Variants in GUCY1A2 observed in about 807,000 individuals in gnomAD.
The protein encoded by GUCY1A2 is guanylate cyclase soluble subunit alpha-2.
GUCY1A2 carries 27 observed loss-of-function variants against 63.5 expected under a neutral mutation model. The observed-to-expected ratio is 0.43, with a 90% CI of 0.31 to 0.59. The LOEUF (loss-of-function observed/expected upper bound fraction) is 0.59. Ranked by LOEUF, GUCY1A2 falls within the 20% of genes least tolerant of loss-of-function variation. GUCY1A2 has a pLI of 0.11. For synonymous variants in GUCY1A2, 364 were observed against 343.5 expected (o/e 1.06, Z -0.66); for missense variants, 768 against 913.3 (o/e 0.84, Z 2.05).
At chr11:106,933,638 G>C (rs924485132) in intron 4 of GUCY1A2, among the ~76,000 whole-genome samples, 1 of 152,116 alleles carries the variant, frequency 6.6e-6, no homozygotes, top group Admixed American at 6.6e-5. Context: ...AAAAGACACT[G>C]CACTCATATG....
chr11:106,907,552 C>T (rs1056181119), intron 4 of GUCY1A2, among the ~76,000 whole-genome samples: 2 of 151,568 alleles, frequency 1.3e-5, no homozygotes, highest in African/African-American at 4.8e-5. Context: ...CTATCCCTCC[C>T]GCCTCCCGCC....
At chr11:106,878,358 T>C (rs149435072) in intron 4 of GUCY1A2, among the ~76,000 whole-genome samples, 1 of 151,920 alleles carries the variant, frequency 6.6e-6, no homozygotes, top group South Asian at 2.1e-4. Context: ...CTATTCATAG[T>C]AGCAAATAGA....
chr11:106,734,276 C>G (rs1863552334), intron 6 of GUCY1A2, among the ~76,000 whole-genome samples: 1 of 152,064 alleles, frequency 6.6e-6, no homozygotes, highest in South Asian at 2.1e-4. Context: ...CTTCTCTCTA[C>G]TTGAGAGAGA....
At chr11:107,012,178 C>G (rs890073649) in intron 1 of GUCY1A2, among the ~76,000 whole-genome samples, 8 of 151,412 alleles carry the variant, frequency 5.3e-5, no homozygotes, top group Non-Finnish European at 1.0e-4. Flanking sequence ...GAGTCATACC[C>G]AGGGGCCAAA....
At position 106,677,882 on chromosome 11, in the gene GUCY1A2, G is replaced by A. The variant is rs72987317; in HGVS notation, c.*9667C>T. The A allele has an allele frequency of 0.014, 2,899 of 202,642 alleles. 52 individuals are homozygous for A. The highest frequency in any genetic ancestry group is 0.018 in the Non-Finnish European group (1,815 of 98,424). The allele number at this position is 202,642 out of a possible 1,614,324, so 12.6% of individuals were successfully genotyped here. A position where few individuals can be genotyped will look rare whatever the true frequency, so the allele number is the denominator to read the frequency against. On this transcript the variant is annotated 3_prime_UTR_variant, in exon 8 of 8. Transcript: ENST00000526355. The stretch of plus-strand genomic sequence containing the variant: ...TTCATAAAATGGGACTCCTCCTATA[G>A]CCAGGTAATCATTTGGATTTTAGCA...
chr11:106,814,735 A>T (rs989017), intron 4 of GUCY1A2, among the ~76,000 whole-genome samples: 2 of 151,922 alleles, frequency 1.3e-5, no homozygotes, highest in Admixed American at 6.6e-5. Context: ...AAAATTACAC[A>T]GTCATTGCAA....
At chr11:106,999,321 A>T (rs908481710) in intron 1 of GUCY1A2, among the ~76,000 whole-genome samples, 2 of 152,202 alleles carry the variant, frequency 1.3e-5, no homozygotes, top group African/African-American at 4.8e-5. Flanking sequence ...CGTAACCTTA[A>T]TCCATAATAT....
intron 4 of GUCY1A2, among the ~76,000 whole-genome samples, chr11:106,916,071 G>T (rs984493566): frequency 2.1e-5 from 3 of 145,596 alleles, no homozygotes; most frequent in African/African-American, 7.3e-5. Flanking sequence ...ACTAATTTGT[G>T]ACTCTGATTA....
chr11:106,827,006 G>A, intron 4 of GUCY1A2: 1 of 1,609,300 alleles, frequency 6.2e-7, no homozygotes, highest in Non-Finnish European at 8.5e-7. Context: ...ACATAGACAG[G>A]CCACATCTCT....
chr11:106,843,421 T>C (rs1409999106), intron 4 of GUCY1A2, among the ~76,000 whole-genome samples: 2 of 151,406 alleles, frequency 1.3e-5, no homozygotes, highest in African/African-American at 2.4e-5. Context: ...TAAAAAAAAT[T>C]AAAAAGTAGA....
intron 4 of GUCY1A2, among the ~76,000 whole-genome samples, chr11:106,812,074 A>G (rs1232278818): frequency 6.6e-6 from 1 of 152,024 alleles, no homozygotes; most frequent in Non-Finnish European, 1.5e-5. Context: ...TCTTTAGGGT[A>G]GGAGTGTTGC....
intron 5 of GUCY1A2, among the ~76,000 whole-genome samples, chr11:106,792,781 A>T (rs1361906710): frequency 6.6e-6 from 1 of 152,174 alleles, no homozygotes; most frequent in Non-Finnish European, 1.5e-5. Context: ...GATCCCACTT[A>T]AAGTAGCAAC....
chr11:106,946,733 C>T (rs926824930), intron 3 of GUCY1A2, among the ~76,000 whole-genome samples: 1 of 152,072 alleles, frequency 6.6e-6, no homozygotes, highest in South Asian at 2.1e-4. Context: ...GAATTAATTA[C>T]TAATGAGTAT....
At chr11:106,792,104 A>T (rs10749878) in intron 5 of GUCY1A2, among the ~76,000 whole-genome samples, 146,084 of 152,316 alleles carry the variant, frequency 0.96, 70,119 homozygotes, top group East Asian at 1. Flanking sequence ...TTACCCACTA[A>T]CAGCCGGGCG....
intron 6 of GUCY1A2, among the ~76,000 whole-genome samples, chr11:106,738,808 T>C (rs1591255991): frequency 6.6e-6 from 1 of 152,318 alleles, no homozygotes. Context: ...TGTAGTATTG[T>C]TTGAAGTCAG....
intron 3 of GUCY1A2, among the ~76,000 whole-genome samples, chr11:106,972,591 C>CA (rs2120099967): frequency 6.6e-6 from 1 of 151,744 alleles, no homozygotes; most frequent in East Asian, 1.9e-4. Flanking sequence ...GTTCTTCCAG[C>CA]AAAAAAGAAA....
At chr11:106,880,046 GAGAATGCTCC>G (rs1241120224) in intron 4 of GUCY1A2, among the ~76,000 whole-genome samples, 1 of 151,982 alleles carries the variant, frequency 6.6e-6, no homozygotes, top group Non-Finnish European at 1.5e-5. Context: ...AGCATACCCT[GAGAATGCTCC>G]TGTATGGCCA....
At chr11:106,911,459 A>G (rs1860292850) in intron 4 of GUCY1A2, among the ~76,000 whole-genome samples, 1 of 152,130 alleles carries the variant, frequency 6.6e-6, no homozygotes, top group Admixed American at 6.6e-5. Context: ...TCTTCCTCTG[A>G]GAAGATAACA....
Position 106,683,047 on chromosome 11 carries a change from T to A in GUCY1A2, c.*4502A>T, listed in dbSNP as rs1862457789. ...CCATTTAACAATAAATTTTGTTCAA[T>A]CACATGAACACAATTTATGTGTATG... On this transcript the variant is annotated 3_prime_UTR_variant, in exon 8 of 8. Coordinates refer to ENST00000526355, the MANE Select transcript of GUCY1A2 (RefSeq NM_000855.3). 4.6e-6 allele frequency: 1 copy of A among 217,748 alleles called. No individual in the cohort carries two copies. The highest frequency in any genetic ancestry group is 9.2e-6 in the Non-Finnish European group (1 of 108,216). The allele number at this position is 217,748 out of a possible 1,614,324, so 13.5% of individuals were successfully genotyped here. A position where few individuals can be genotyped will look rare whatever the true frequency, so the allele number is the denominator to read the frequency against.
Sources: gnomAD v4.1 joint callset for allele counts (sites outside exome capture counted in the v4.1 genomes callset) on GRCh38, gnomAD v4.1.1 for gene constraint, MANE v1.5 for transcripts, NCBI Gene and HGNC (gene_info 2026-07-23, HGNC 2026-07-21) for gene names.